CMC2: variants seen among roughly 807,000 people sequenced by gnomAD.
The protein encoded by CMC2 is COX assembly mitochondrial protein 2 homolog.
Under a neutral mutation model 7.5 loss-of-function variants are expected in CMC2, and 5 were observed. That is an observed-to-expected ratio of 0.66 (90% CI 0.35 to 1.40). The LOEUF (loss-of-function observed/expected upper bound fraction) is 1.40, where lower values mean the gene tolerates loss of function less well. Ranked by LOEUF, CMC2 falls within the 40% of genes most tolerant of loss-of-function variation. The pLI, the probability that CMC2 is intolerant of heterozygous loss-of-function variation, is 0.04. For missense variants in CMC2, 115 were observed against 92.3 expected (o/e 1.25, Z -1.01); for synonymous variants, 37 against 31.4 (o/e 1.18, Z -0.60).
chr16:81,004,452 T>C (rs1220904543), intron 1 of CMC2, among the ~76,000 whole-genome samples: 1 of 152,202 alleles, frequency 6.6e-6, no homozygotes, highest in Non-Finnish European at 1.5e-5. Context: ...CTGACTTCCA[T>C]CAGTTTGTCA....
chr16:80,987,773 CAGGG>C (rs1295613577), intron 2 of CMC2, among the ~76,000 whole-genome samples: 1 of 152,170 alleles, frequency 6.6e-6, no homozygotes, highest in Non-Finnish European at 1.5e-5. Flanking sequence ...CCAGCACAGA[CAGGG>C]GTATTCAGGA....
chr16:80,978,508 C>G, intron 3 of CMC2: 1 of 513,754 alleles, frequency 1.9e-6, no homozygotes, highest in Non-Finnish European at 3.2e-6. Context: ...TAACCCCAAA[C>G]CAAACAAAAC....
At chr16:81,004,741 A>T (rs574045716) in intron 1 of CMC2, among the ~76,000 whole-genome samples, 5 of 152,214 alleles carry the variant, frequency 3.3e-5, no homozygotes, top group African/African-American at 1.2e-4. Flanking sequence ...GCTTTCTTTT[A>T]CTCACTCCTT....
At position 80,967,943 on chromosome 16, in the gene CMC2, T is replaced by C. The variant is rs1432039182; in HGVS notation, c.*8150A>G. 1.3e-5 allele frequency: 2 copies of C among 152,054 alleles called. No individual in the cohort carries two copies. The highest frequency in any genetic ancestry group is 2.9e-5 in the Non-Finnish European group (2 of 68,024). 9.4% of individuals were successfully genotyped at this position (152,054 alleles called of 1,614,324 possible). A position where few individuals can be genotyped will look rare whatever the true frequency, so the allele number is the denominator to read the frequency against. On this transcript the variant is annotated 3_prime_UTR_variant, in exon 4 of 4. Transcript: ENST00000219400. The stretch of plus-strand genomic sequence containing the variant: ...TTTTTTTCAAATCACATTCTCAACA[T>C]AATATATCACCAATAAGAACTTTTC...
chr16:80,998,045 T>C (rs2549865), intron 1 of CMC2: 1 of 151,238 alleles, frequency 6.6e-6, no homozygotes, highest in African/African-American at 2.4e-5. Flanking sequence ...AATTGGATCA[T>C]CCACAAGGTG....
chr16:81,006,217 A>C (rs1969316307), intron 1 of CMC2, among the ~76,000 whole-genome samples: 1 of 117,622 alleles, frequency 8.5e-6, no homozygotes, highest in African/African-American at 2.7e-5. Context: ...AGGAGAAAAA[A>C]GAGTAAAGTG....
chr16:81,006,682 TGAG>T (rs1969382700), intron 1 of CMC2, 49 bp downstream of exon 1: 1 of 982,234 alleles, frequency 1.0e-6, no homozygotes, highest in Non-Finnish European at 1.2e-6. Context: ...ATCAGGGACC[TGAG>T]GAGGAACAAC....
chr16:80,992,483 T>C (rs1024916474), intron 2 of CMC2, among the ~76,000 whole-genome samples: 6 of 152,214 alleles, frequency 3.9e-5, no homozygotes, highest in Non-Finnish European at 5.9e-5. Context: ...CAGAAATGTA[T>C]GAGGGTATAC....
intron 2 of CMC2, chr16:80,983,297 C>T (rs1334891586): frequency 6.6e-6 from 1 of 152,176 alleles, no homozygotes; most frequent in Admixed American, 6.5e-5. Flanking sequence ...CCCCGAACTT[C>T]CAAGCTGTTC....
At chr16:80,990,552 C>G (rs1967904147) in intron 2 of CMC2, among the ~76,000 whole-genome samples, 1 of 152,168 alleles carries the variant, frequency 6.6e-6, no homozygotes, top group African/African-American at 2.4e-5. Context: ...ATCTCATTAG[C>G]TTCTGGTTAT....
chr16:80,985,367 G>C (rs1235659298), intron 2 of CMC2, among the ~76,000 whole-genome samples: 1 of 152,170 alleles, frequency 6.6e-6, no homozygotes, highest in African/African-American at 2.4e-5. Context: ...GCAGACATGA[G>C]AATTCAGGTA....
chr16:80,990,611 T>C (rs1967910811), intron 2 of CMC2, among the ~76,000 whole-genome samples: 1 of 152,264 alleles, frequency 6.6e-6, no homozygotes, highest in African/African-American at 2.4e-5. Context: ...TTTTGCTATC[T>C]TCTCCTCCTT....
intron 2 of CMC2, among the ~76,000 whole-genome samples, chr16:80,990,326 A>G (rs1462587029): frequency 6.6e-6 from 1 of 151,986 alleles, no homozygotes; most frequent in African/African-American, 2.4e-5. Flanking sequence ...GTCCGCCACC[A>G]CGCACAGCTA....
chr16:81,000,863 T>C (rs1359373620), intron 1 of CMC2, among the ~76,000 whole-genome samples: 2 of 152,064 alleles, frequency 1.3e-5, no homozygotes, highest in African/African-American at 4.8e-5. Flanking sequence ...CAAAAGAAAA[T>C]AAACCGTTTT....
intron 3 of CMC2, among the ~76,000 whole-genome samples, chr16:80,979,067 T>A (rs549591798): frequency 1.3e-5 from 2 of 149,026 alleles, no homozygotes; most frequent in African/African-American, 2.5e-5. Flanking sequence ...GGTGACAGAG[T>A]GAGACTCTGG....
Position 80,972,060 on chromosome 16 carries a change from T to G in CMC2, c.*4033A>C, listed in dbSNP as rs1203364381. 1.3e-5 allele frequency: 2 copies of G among 152,196 alleles called. No individual in the cohort carries two copies. The highest frequency in any genetic ancestry group is 4.8e-5 in the African/African-American group (2 of 41,438). 9.4% of individuals were successfully genotyped at this position (152,196 alleles called of 1,614,324 possible). On this transcript the variant is annotated 3_prime_UTR_variant, in exon 4 of 4. Coordinates refer to ENST00000219400, the MANE Select transcript of CMC2 (RefSeq NM_020188.5). ...CTGCCGGTGAGATCAGACTAGAGCT[T>G]AGAGGACAGAAATGGCCCCACAGGC...
intron 1 of CMC2, among the ~76,000 whole-genome samples, chr16:81,002,924 C>T (rs1597280619): frequency 6.6e-6 from 1 of 152,170 alleles, no homozygotes; most frequent in East Asian, 1.9e-4. Flanking sequence ...TACTACTTAA[C>T]CTAAAGCTCT....
chr16:80,987,658 C>A (rs1967645435), intron 2 of CMC2, among the ~76,000 whole-genome samples: 1 of 152,120 alleles, frequency 6.6e-6, no homozygotes, highest in African/African-American at 2.4e-5. Flanking sequence ...AAGATCACAG[C>A]AGAACTATAA....
intron 2 of CMC2, among the ~76,000 whole-genome samples, chr16:80,995,451 T>A (rs1455607035): frequency 6.6e-6 from 1 of 151,726 alleles, no homozygotes; most frequent in East Asian, 1.9e-4. Context: ...AGGTCAGGAG[T>A]TCGAGACCAG....
Sources: gnomAD v4.1 joint callset for allele counts (sites outside exome capture counted in the v4.1 genomes callset) on GRCh38, gnomAD v4.1.1 for gene constraint, MANE v1.5 for transcripts, NCBI Gene and HGNC (gene_info 2026-07-23, HGNC 2026-07-21) for gene names.